Variants in DNAJC1 observed in about 807,000 individuals in gnomAD.
DNAJC1 encodes dnaJ homolog subfamily C member 1.
Under a neutral mutation model 76.6 loss-of-function variants are expected in DNAJC1, and 58 were observed. The ratio of observed to expected loss-of-function variants is 0.76; its 90% CI spans 0.61 to 0.94. DNAJC1 has a LOEUF of 0.94. Ranked by LOEUF, DNAJC1 falls within the 40% of genes least tolerant of loss-of-function variation. The pLI is 0.00. For missense variants in DNAJC1, 689 were observed against 677.3 expected (o/e 1.02, Z -0.19); for synonymous variants, 258 against 267.9 (o/e 0.96, Z 0.36).
chr10:21,867,801 G>A (rs530365241), intron 8 of DNAJC1, among the ~76,000 whole-genome samples: 12 of 152,022 alleles, frequency 7.9e-5, no homozygotes, highest in Middle Eastern at 3.4e-3. Flanking sequence ...GCCGGGTGCC[G>A]TAGCTCACGT....
intron 8 of DNAJC1, among the ~76,000 whole-genome samples, chr10:21,847,539 C>A (rs1031290664): frequency 6.6e-6 from 1 of 152,072 alleles, no homozygotes; most frequent in Non-Finnish European, 1.5e-5. Flanking sequence ...AGAACTTATT[C>A]TTTCTAACTG....
intron 3 of DNAJC1, among the ~76,000 whole-genome samples, chr10:21,921,363 G>A (rs145849111): frequency 9.6e-4 from 146 of 152,038 alleles, no homozygotes; most frequent in African/African-American, 3.2e-3. Flanking sequence ...GTTTGTTACC[G>A]TGAATTACAT....
At chr10:21,874,535 A>G (rs556847253) in intron 8 of DNAJC1, among the ~76,000 whole-genome samples, 2 of 152,348 alleles carry the variant, frequency 1.3e-5, no homozygotes, top group African/African-American at 4.8e-5. Context: ...GCAAAATATA[A>G]AAGGCTACAT....
intron 10 of DNAJC1, among the ~76,000 whole-genome samples, chr10:21,760,656 G>A (rs1239289502): frequency 6.6e-6 from 1 of 152,210 alleles, no homozygotes; most frequent in Non-Finnish European, 1.5e-5. Context: ...GAGGAATTAA[G>A]TTTTTAACTT....
chr10:21,996,953 A>C (rs1412514631), intron 1 of DNAJC1, among the ~76,000 whole-genome samples: 1 of 152,216 alleles, frequency 6.6e-6, no homozygotes, highest in Admixed American at 6.5e-5. Context: ...TAAATGACTG[A>C]AAGGTTATCT....
intron 8 of DNAJC1, among the ~76,000 whole-genome samples, chr10:21,810,020 AT>A (rs1186196279): frequency 3.3e-5 from 5 of 151,886 alleles, no homozygotes; most frequent in Admixed American, 6.6e-5. Flanking sequence ...AAGAATACCA[AT>A]ACTATCGATT....
At chr10:21,825,397 C>T (rs770574200) in intron 8 of DNAJC1, among the ~76,000 whole-genome samples, 8 of 152,090 alleles carry the variant, frequency 5.3e-5, no homozygotes, top group Admixed American at 1.3e-4. Flanking sequence ...AATAACGTTC[C>T]GTTGTATGTA....
intron 8 of DNAJC1, among the ~76,000 whole-genome samples, chr10:21,810,606 C>G (rs747611673): frequency 7.9e-5 from 12 of 152,154 alleles, no homozygotes; most frequent in Admixed American, 1.3e-4. Context: ...ACCCCATGGA[C>G]GTACTGCTTC....
chr10:21,874,827 T>C (rs1005498832), intron 8 of DNAJC1, among the ~76,000 whole-genome samples: 6 of 152,176 alleles, frequency 3.9e-5, no homozygotes, highest in Admixed American at 2.6e-4. Flanking sequence ...AAAAAGCCTA[T>C]AGCACACATC....
At chr10:21,779,314 C>A (rs1405121244) in intron 9 of DNAJC1, among the ~76,000 whole-genome samples, 1 of 152,192 alleles carries the variant, frequency 6.6e-6, no homozygotes, top group South Asian at 2.1e-4. Flanking sequence ...GAGTCCCTGA[C>A]CCCCGAGTAG....
chr10:21,787,734 G>T (rs905149959), intron 9 of DNAJC1, among the ~76,000 whole-genome samples: 1 of 152,136 alleles, frequency 6.6e-6, no homozygotes, highest in Non-Finnish European at 1.5e-5. Flanking sequence ...TAGGCAAGAG[G>T]ATCCCAGCAG....
At chr10:21,934,688 G>A (rs1475756498) in intron 1 of DNAJC1, among the ~76,000 whole-genome samples, 1 of 152,140 alleles carries the variant, frequency 6.6e-6, no homozygotes, top group Admixed American at 6.5e-5. Context: ...TAGCCCAGGA[G>A]CAATAGGTTA....
At chr10:21,790,796 A>G (rs1834675604) in intron 9 of DNAJC1, among the ~76,000 whole-genome samples, 1 of 152,236 alleles carries the variant, frequency 6.6e-6, no homozygotes, top group Middle Eastern at 3.4e-3. Context: ...ATGACATGAG[A>G]GGAAGAAAGG....
intron 8 of DNAJC1, among the ~76,000 whole-genome samples, chr10:21,852,233 CT>C (rs1382426846): frequency 5.3e-5 from 8 of 151,906 alleles, no homozygotes; most frequent in African/African-American, 1.7e-4. Context: ...AGGTCACATA[CT>C]GTATGAGTTC....
intron 6 of DNAJC1, among the ~76,000 whole-genome samples, chr10:21,908,493 G>GC (rs1554896066): frequency 6.7e-6 from 1 of 148,604 alleles, no homozygotes; most frequent in African/African-American, 2.5e-5. Context: ...TTTTCATGGG[G>GC]GGGGGGTGAA....
At chr10:21,842,553 A>C (rs1835591067) in intron 8 of DNAJC1, among the ~76,000 whole-genome samples, 1 of 152,266 alleles carries the variant, frequency 6.6e-6, no homozygotes, top group Non-Finnish European at 1.5e-5. Flanking sequence ...GTTGAATTTC[A>C]GGTACACTGA....
intron 1 of DNAJC1, among the ~76,000 whole-genome samples, chr10:22,000,376 A>G (rs752004216): frequency 7.2e-5 from 11 of 152,324 alleles, no homozygotes; most frequent in Non-Finnish European, 1.6e-4. Flanking sequence ...CAACTTACTT[A>G]TAAGTAAAAG....
chr10:21,839,332 A>G (rs1186522938), intron 8 of DNAJC1, among the ~76,000 whole-genome samples: 2 of 152,224 alleles, frequency 1.3e-5, no homozygotes. Context: ...TGAAAAGATC[A>G]GCAAAATTGA....
At chr10:21,937,563 A>G (rs1837330418) in intron 1 of DNAJC1, among the ~76,000 whole-genome samples, 1 of 152,132 alleles carries the variant, frequency 6.6e-6, no homozygotes. Flanking sequence ...GAACAATCAG[A>G]AAGAACAGTA....
Sources: gnomAD v4.1 joint callset for allele counts (sites outside exome capture counted in the v4.1 genomes callset) on GRCh38, gnomAD v4.1.1 for gene constraint, MANE v1.5 for transcripts, NCBI Gene and HGNC (gene_info 2026-07-23, HGNC 2026-07-21) for gene names.